Variants in WWOX observed in about 807,000 individuals in gnomAD.
The protein encoded by WWOX is WW domain containing oxidoreductase.
In WWOX, 69 loss-of-function variants were observed where a neutral mutation model predicts 46.2. That is an observed-to-expected ratio of 1.49 (90% CI 1.23 to 1.82). The LOEUF is 1.82. WWOX is among the 40% of genes most tolerant of loss of function. WWOX has a pLI of 0.00. For missense variants in WWOX, 919 were observed against 542.6 expected, an observed-to-expected ratio of 1.69 and a Z score of -6.89; for synonymous variants, 359 against 202.6, an observed-to-expected ratio of 1.77 and a Z score of -6.56.
chr16:78,733,726 G>A (rs1206703904), intron 8 of WWOX, among the ~76,000 whole-genome samples: 9 of 152,088 alleles, frequency 5.9e-5, no homozygotes, highest in Non-Finnish European at 1.3e-4. Flanking sequence ...CTGCACTCCA[G>A]CCTGGGCGAC....
At chr16:78,813,851 G>A (rs367741152) in intron 8 of WWOX, among the ~76,000 whole-genome samples, 44 of 151,816 alleles carry the variant, frequency 2.9e-4, no homozygotes, top group Middle Eastern at 3.4e-3. Context: ...AATTTCAGGC[G>A]GTCAGCACAT....
At chr16:78,630,029 A>G (rs530232171) in intron 8 of WWOX, among the ~76,000 whole-genome samples, 3 of 152,034 alleles carry the variant, frequency 2.0e-5, no homozygotes, top group Non-Finnish European at 2.9e-5. Flanking sequence ...AGCACTTACA[A>G]TGTCTCACTC....
intron 8 of WWOX, among the ~76,000 whole-genome samples, chr16:78,557,429 C>T (rs552034463): frequency 1.3e-5 from 2 of 152,252 alleles, no homozygotes; most frequent in East Asian, 3.9e-4. Flanking sequence ...CACGTGCAGG[C>T]ACCATTCTAG....
chr16:78,972,382 T>G (rs1175510673), intron 8 of WWOX, among the ~76,000 whole-genome samples: 1 of 151,574 alleles, frequency 6.6e-6, no homozygotes, highest in Non-Finnish European at 1.5e-5. Context: ...CAAAGCAGGA[T>G]CTTAATCAGA....
At chr16:78,658,073 C>G (rs1226319048) in intron 8 of WWOX, among the ~76,000 whole-genome samples, 1 of 152,016 alleles carries the variant, frequency 6.6e-6, no homozygotes, top group Admixed American at 6.6e-5. Flanking sequence ...CTGTGAGTTA[C>G]AAGACATTAA....
chr16:79,135,103 T>C (rs1455046730), intron 8 of WWOX, among the ~76,000 whole-genome samples: 5 of 152,194 alleles, frequency 3.3e-5, no homozygotes, highest in Admixed American at 6.5e-5. Flanking sequence ...GCTTGAATTT[T>C]CTAACAATTT....
chr16:79,151,995 G>A (rs543637879), intron 8 of WWOX, among the ~76,000 whole-genome samples: 2 of 152,168 alleles, frequency 1.3e-5, no homozygotes, highest in Non-Finnish European at 2.9e-5. Flanking sequence ...TTACGAAGGG[G>A]GAACTAGTTT....
chr16:78,551,187 G>A (rs1352262817), intron 8 of WWOX: 1 of 152,066 alleles, frequency 6.6e-6, no homozygotes, highest in Non-Finnish European at 1.5e-5. Flanking sequence ...CAAATATCGT[G>A]AATATATTCC....
At chr16:79,108,249 A>G (rs1040912332) in intron 8 of WWOX, among the ~76,000 whole-genome samples, 2 of 152,240 alleles carry the variant, frequency 1.3e-5, no homozygotes, top group East Asian at 1.9e-4. Flanking sequence ...TACAAGCAAG[A>G]CTATATCCTC....
chr16:78,829,294 C>G (rs1392200360), intron 8 of WWOX, among the ~76,000 whole-genome samples: 1 of 152,146 alleles, frequency 6.6e-6, no homozygotes, highest in Non-Finnish European at 1.5e-5. Context: ...GAAACCTCAT[C>G]CAAAGGCAGA....
intron 8 of WWOX, among the ~76,000 whole-genome samples, chr16:78,699,701 A>G (rs2048172449): frequency 6.6e-6 from 1 of 152,238 alleles, no homozygotes; most frequent in Non-Finnish European, 1.5e-5. Context: ...TGATATCTAC[A>G]GCCTCTACCA....
At chr16:78,430,520 C>G (rs1360837777) in intron 7 of WWOX, among the ~76,000 whole-genome samples, 1 of 152,120 alleles carries the variant, frequency 6.6e-6, no homozygotes, top group South Asian at 2.1e-4. Flanking sequence ...TTGAGCAATA[C>G]ATCATGTGCA....
intron 8 of WWOX, among the ~76,000 whole-genome samples, chr16:78,864,980 C>T (rs564782346): frequency 1.3e-5 from 2 of 151,874 alleles, no homozygotes; most frequent in African/African-American, 2.4e-5. Context: ...CCAGGCTGGT[C>T]TTGAACTCCT....
chr16:78,409,289 C>G (rs557298271), intron 6 of WWOX, among the ~76,000 whole-genome samples: 1 of 152,274 alleles, frequency 6.6e-6, no homozygotes, highest in Non-Finnish European at 1.5e-5. Flanking sequence ...CAAACACAGT[C>G]ATAGAGCTGC....
chr16:79,155,894 TG>T lies in WWOX; in HGVS notation c.1057-55713del, dbSNP rs201006925. Among the ~76,000 whole-genome samples the T allele has an allele frequency of 5.8e-3, 860 of 148,344 alleles. 13 individuals carry two copies. Among genetic ancestry groups the T allele is most frequent in the African/African-American group, 0.021 (817 of 38,332 alleles). Reference sequence around the variant, plus strand: ...AAAGGGAGGGAGGAGGAATTCCAGTTGTTTTTTTTTTAATCTAGGTACAAGT... The same window carrying T: ...AAAGGGAGGGAGGAGGAATTCCAGTTTTTTTTTTTTAATCTAGGTACAAGT... On this transcript the variant is annotated intron_variant, in intron 8 of 8. Transcript: ENST00000566780.
At chr16:78,445,382 C>G (rs1335410933) in intron 8 of WWOX, among the ~76,000 whole-genome samples, 2 of 152,154 alleles carry the variant, frequency 1.3e-5, no homozygotes, top group African/African-American at 2.4e-5. Flanking sequence ...ATTCATTCAA[C>G]AAATATTATT....
chr16:79,203,966 C>T (rs2051425912), intron 8 of WWOX: 1 of 152,102 alleles, frequency 6.6e-6, no homozygotes, highest in Admixed American at 6.5e-5. Context: ...CTTATAAACA[C>T]CCAGCAGTCC....
intron 5 of WWOX, among the ~76,000 whole-genome samples, chr16:78,327,784 A>G (rs79229045): frequency 2.1e-4 from 32 of 151,952 alleles, no homozygotes; most frequent in African/African-American, 7.5e-4. Flanking sequence ...TCTTTGTACA[A>G]AGTGCTTCTG....
intron 5 of WWOX, among the ~76,000 whole-genome samples, chr16:78,263,987 C>T (rs2079304008): frequency 3.1e-5 from 2 of 64,006 alleles, no homozygotes; most frequent in Non-Finnish European, 6.3e-5. Context: ...ATGTGTTTGG[C>T]TGTGAAATCT....
Sources: gnomAD v4.1 joint callset for allele counts (sites outside exome capture counted in the v4.1 genomes callset) on GRCh38, gnomAD v4.1.1 for gene constraint, MANE v1.5 for transcripts, NCBI Gene and HGNC (gene_info 2026-07-23, HGNC 2026-07-21) for gene names.